The following ARHGAP26 variants were observed in gnomAD, a reference collection of about 807,000 sequenced individuals.
ARHGAP26 encodes the protein Rho GTPase activating protein 26.
A neutral mutation model predicts 104.8 loss-of-function variants in ARHGAP26; 38 were observed. The ratio of observed to expected loss-of-function variants is 0.36; its 90% CI spans 0.28 to 0.48. The LOEUF (loss-of-function observed/expected upper bound fraction) is 0.48, where lower values mean the gene tolerates loss of function less well. Among genes scored for constraint, ARHGAP26 ranks in the 20% least tolerant of loss-of-function variants. ARHGAP26 has a pLI of 0.99. For missense variants in ARHGAP26, 704 were observed against 947.9 expected, an observed-to-expected ratio of 0.74 and a Z score of 3.38; for synonymous variants, 341 against 340.0, an observed-to-expected ratio of 1.00 and a Z score of -0.03.
intron 1 of ARHGAP26, among the ~76,000 whole-genome samples, chr5:142,813,613 C>T (rs1764551471): frequency 1.3e-5 from 2 of 152,164 alleles, no homozygotes; most frequent in African/African-American, 4.8e-5. Context: ...TGTTTTCTTC[C>T]CAGGTCTCTC....
At chr5:142,831,133 T>C (rs1197189867) in intron 1 of ARHGAP26, among the ~76,000 whole-genome samples, 1 of 152,224 alleles carries the variant, frequency 6.6e-6, no homozygotes, top group Non-Finnish European at 1.5e-5. Flanking sequence ...TTTCTTGCTT[T>C]CTGTGGTTCC....
At chr5:143,171,171 C>T (rs1802717601) in intron 20 of ARHGAP26, among the ~76,000 whole-genome samples, 1 of 152,158 alleles carries the variant, frequency 6.6e-6, no homozygotes, top group Admixed American at 6.5e-5. Flanking sequence ...TAGCCTAGGG[C>T]TTTTCCATAT....
intron 11 of ARHGAP26, among the ~76,000 whole-genome samples, chr5:142,941,896 G>A (rs1457302068): frequency 6.6e-6 from 1 of 152,116 alleles, no homozygotes; most frequent in Non-Finnish European, 1.5e-5. Flanking sequence ...ACTTACTCAG[G>A]TCTTAGACAT....
At chr5:143,031,206 A>C (rs1173366133) in intron 12 of ARHGAP26, among the ~76,000 whole-genome samples, 1 of 152,218 alleles carries the variant, frequency 6.6e-6, no homozygotes, top group East Asian at 1.9e-4. Flanking sequence ...AGGGCCAGGC[A>C]GGGCCCCGTC....
chr5:143,162,061 G>A (rs765416387), intron 20 of ARHGAP26, among the ~76,000 whole-genome samples: 2 of 151,952 alleles, frequency 1.3e-5, no homozygotes, highest in Non-Finnish European at 2.9e-5. Context: ...TTTGACTTGC[G>A]CAATGCTGCT....
intron 17 of ARHGAP26, among the ~76,000 whole-genome samples, chr5:143,060,705 T>C (rs1054137897): frequency 6.6e-6 from 1 of 151,962 alleles, no homozygotes; most frequent in Non-Finnish European, 1.5e-5. Flanking sequence ...CCCGGGGCGC[T>C]TGTTTACATT....
chr5:143,046,009 C>T (rs925099452), intron 14 of ARHGAP26, among the ~76,000 whole-genome samples: 1 of 152,158 alleles, frequency 6.6e-6, no homozygotes, highest in African/African-American at 2.4e-5. Context: ...TGGTGCACAC[C>T]TGTAATCCCA....
intron 19 of ARHGAP26, among the ~76,000 whole-genome samples, chr5:143,138,216 G>C (rs534022660): frequency 6.6e-6 from 1 of 152,316 alleles, no homozygotes; most frequent in Non-Finnish European, 1.5e-5. Flanking sequence ...AGAATGAGGA[G>C]CTTGATGGTT....
chr5:143,177,557 G>A (rs1322057720), intron 20 of ARHGAP26, among the ~76,000 whole-genome samples: 2 of 152,220 alleles, frequency 1.3e-5, no homozygotes, highest in Non-Finnish European at 2.9e-5. Context: ...ACAAGGTGCT[G>A]TCGGCAGACC....
chr5:143,215,576 CAT>C (rs1810214706), intron 22 of ARHGAP26, among the ~76,000 whole-genome samples: 1 of 152,138 alleles, frequency 6.6e-6, no homozygotes, highest in African/African-American at 2.4e-5. Context: ...AGAATATTTT[CAT>C]CACCCCCAAA....
At chr5:143,059,172 A>C (rs1402600494) in intron 17 of ARHGAP26, among the ~76,000 whole-genome samples, 1 of 152,246 alleles carries the variant, frequency 6.6e-6, no homozygotes, top group Non-Finnish European at 1.5e-5. Flanking sequence ...ACACCAAGAC[A>C]TAGAAGGTTC....
Position 142,903,670 on chromosome 5 carries a change from G to A in ARHGAP26, c.832+1G>A, listed in dbSNP as rs1201927791. On this transcript the variant is annotated splice_donor_variant, in intron 8 of 22. Coordinates refer to ENST00000645722, the MANE Select transcript of ARHGAP26 (RefSeq NM_001135608.3). LOFTEE classifies it high-confidence loss of function. ...GGATACCTCTACGTGCAGGAGAAAC[G>A]TGAGTGCTTTGACTAGCAACAGCTT... 2 of 1,613,000 alleles carry A rather than the reference G, an allele frequency of 1.2e-6. No homozygotes were observed. Among genetic ancestry groups the A allele is most frequent in the South Asian group, 1.1e-5 (1 of 90,834 alleles).
chr5:143,106,466 CTT>C (rs70991793), intron 17 of ARHGAP26, among the ~76,000 whole-genome samples: 1 of 77,306 alleles, frequency 1.3e-5, no homozygotes, highest in Non-Finnish European at 2.2e-5. Flanking sequence ...ATGCATTGGG[CTT>C]TTTTTTTTTT....
chr5:142,892,989 C>CCCCCTTTTT (rs753481588), intron 5 of ARHGAP26, among the ~76,000 whole-genome samples: 2 of 108,026 alleles, frequency 1.9e-5, no homozygotes, highest in Non-Finnish European at 3.8e-5. Flanking sequence ...CACCCCCCCG[C>CCCCCTTTTT]TTTTTTTTTT....
At chr5:142,940,323 T>C (rs1766057286) in intron 11 of ARHGAP26, among the ~76,000 whole-genome samples, 1 of 152,212 alleles carries the variant, frequency 6.6e-6, no homozygotes, top group Admixed American at 6.5e-5. Flanking sequence ...TTTATTTAAT[T>C]TTTTTTAACT....
At chr5:143,131,203 G>A (rs1270652487) in intron 18 of ARHGAP26, among the ~76,000 whole-genome samples, 1 of 152,126 alleles carries the variant, frequency 6.6e-6, no homozygotes, top group Non-Finnish European at 1.5e-5. Context: ...ATATTGTCTT[G>A]GAAGCAATTT....
chr5:143,104,163 G>T (rs1267296574), intron 17 of ARHGAP26, among the ~76,000 whole-genome samples: 1 of 152,030 alleles, frequency 6.6e-6, no homozygotes, highest in Admixed American at 6.6e-5. Flanking sequence ...TTCTAGGTGG[G>T]AATGTAAATT....
At chr5:142,844,735 A>C (rs1393826454) in intron 1 of ARHGAP26, among the ~76,000 whole-genome samples, 1 of 151,720 alleles carries the variant, frequency 6.6e-6, no homozygotes, top group East Asian at 1.9e-4. Context: ...GGCTCCTATA[A>C]TCCCAGCTAC....
chr5:143,182,528 C>T (rs146903683), intron 20 of ARHGAP26, among the ~76,000 whole-genome samples: 92 of 152,180 alleles, frequency 6.0e-4, no homozygotes, highest in African/African-American at 1.7e-3. Context: ...TAAGTGAATC[C>T]GTTTTAGTTT....
Sources: gnomAD v4.1 joint callset for allele counts (sites outside exome capture counted in the v4.1 genomes callset) on GRCh38, gnomAD v4.1.1 for gene constraint, MANE v1.5 for transcripts, NCBI Gene and HGNC (gene_info 2026-07-23, HGNC 2026-07-21) for gene names.